Variants in SRPK1 observed in about 807,000 individuals in gnomAD.
The protein encoded by SRPK1 is SRSF protein kinase 1, also known as SFRS protein kinase 1.
SRPK1 carries 52 observed loss-of-function variants against 89.5 expected under a neutral mutation model. The ratio of observed to expected loss-of-function variants is 0.58; its 90% CI spans 0.46 to 0.73. The LOEUF (loss-of-function observed/expected upper bound fraction) is 0.73, where lower values mean the gene tolerates loss of function less well. SRPK1 is among the 30% of genes least tolerant of loss of function. The pLI, the probability that SRPK1 is intolerant of heterozygous loss-of-function variation, is 0.00. For synonymous variants in SRPK1, 255 were observed against 270.2 expected (o/e 0.94, Z 0.55); for missense variants, 603 against 780.6 (o/e 0.77, Z 2.71).
intron 13 of SRPK1, among the ~76,000 whole-genome samples, chr6:35,851,199 T>C (rs959268134): frequency 2.0e-5 from 3 of 152,042 alleles, no homozygotes; most frequent in African/African-American, 7.2e-5. Context: ...TCTTTTTTTT[T>C]TGAGACAGGG....
intron 7 of SRPK1, among the ~76,000 whole-genome samples, chr6:35,873,194 T>A (rs1425836511): frequency 6.6e-6 from 1 of 152,190 alleles, no homozygotes; most frequent in East Asian, 1.9e-4. Flanking sequence ...TTCCTGATGG[T>A]AAAATCTATA....
chr6:35,855,329 T>A (rs779934424), intron 13 of SRPK1, among the ~76,000 whole-genome samples: 1 of 151,456 alleles, frequency 6.6e-6, no homozygotes, highest in Non-Finnish European at 1.5e-5. Context: ...AAAAACCCAA[T>A]AATATGCCAC....
rs1255294326 is a variant in SRPK1, at chr6:35,838,345, G to A, written c.1775C>T (p.Thr592Ile). 1 of 1,562,188 alleles carries A rather than the reference G, an allele frequency of 6.4e-7. No homozygotes were observed. Among genetic ancestry groups the A allele is most frequent in the South Asian group, 1.2e-5 (1 of 81,042 alleles). The change falls in exon 15 of 16, where the codon ACC (threonine) becomes ATC (isoleucine). Residue 592 changes from threonine to isoleucine, a missense_variant. Coordinates refer to ENST00000373825, the MANE Select transcript of SRPK1 (RefSeq NM_003137.5). ...VAGKYSKEFFTKKGDLKHITK... is the reference protein window; with the variant it reads ...VAGKYSKEFFIKKGDLKHITK... ...GAACACATTTACTTTACCTTTTTTG[G>A]TGAAAAATTCCTTGGAATATTTTCC... is the stretch of plus-strand genomic sequence containing the variant.
chr6:35,859,777 T>C (rs1236834487), intron 12 of SRPK1, among the ~76,000 whole-genome samples: 2 of 152,174 alleles, frequency 1.3e-5, no homozygotes, highest in African/African-American at 4.8e-5. Context: ...ACACATGTAT[T>C]GTTCACCGCT....
At chr6:35,889,621 C>G (rs1329859693) in intron 3 of SRPK1, among the ~76,000 whole-genome samples, 1 of 151,742 alleles carries the variant, frequency 6.6e-6, no homozygotes, top group African/African-American at 2.4e-5. Context: ...CCAGTCTCTA[C>G]TAAAAATACA....
intron 12 of SRPK1, among the ~76,000 whole-genome samples, chr6:35,864,741 G>T (rs535252774): frequency 6.6e-6 from 1 of 152,172 alleles, no homozygotes; most frequent in East Asian, 1.9e-4. Flanking sequence ...TCTGCACTCC[G>T]ATGTTTGTTG....
intron 8 of SRPK1, 57 bp from the exon 9 acceptor site, chr6:35,871,016 A>T (rs553306188): frequency 6.8e-7 from 1 of 1,466,302 alleles, no homozygotes; most frequent in Non-Finnish European, 9.4e-7. Flanking sequence ...AATATAAACT[A>T]AGGCTCAGAT....
chr6:35,880,746 A>AAGAAAGAAAGAAAGAAAG lies in SRPK1; in HGVS notation c.478+5977_478+5978insCTTTCTTTCTTTCTTTCT, dbSNP rs1582014682. On this transcript the variant is annotated intron_variant, in intron 6 of 15. Transcript: ENST00000373825. The stretch of plus-strand genomic sequence containing the variant: ...AAAAAAAAAAAAAAGAAAAAAAAAA[A>AAGAAAGAAAGAAAGAAAG]AAAAGAAAAGAAAAGAAGAAGAAAT... 1.6e-4 allele frequency among the ~76,000 whole-genome samples: 14 copies of AAGAAAGAAAGAAAGAAAG among 89,226 alleles called. 1 individual carries two copies. The highest frequency in any genetic ancestry group is 5.9e-4 in the African/African-American group (13 of 22,096). The allele number at this position is 89,226 out of a possible 152,430, so 58.5% of individuals were successfully genotyped here.
chr6:35,842,644 AAAG>A (rs1769336022), intron 13 of SRPK1, 40 bp from the exon 14 acceptor site: 2 of 1,522,266 alleles, frequency 1.3e-6, no homozygotes, highest in African/African-American at 1.4e-5. Flanking sequence ...GCACAAAAGA[AAAG>A]AAGGCCTTTG....
intron 2 of SRPK1, among the ~76,000 whole-genome samples, chr6:35,911,268 G>A (rs1314621709): frequency 6.6e-6 from 1 of 152,202 alleles, no homozygotes; most frequent in Non-Finnish European, 1.5e-5. Context: ...ATGCATGACT[G>A]AAATGTTCAA....
intron 12 of SRPK1, among the ~76,000 whole-genome samples, chr6:35,858,085 C>T (rs938693362): frequency 6.6e-6 from 1 of 151,808 alleles, no homozygotes. Flanking sequence ...TCTTTTTGTC[C>T]TTCATTATTC....
At position 35,902,463 on chromosome 6, in the gene SRPK1, T is replaced by C. The variant is rs535845929; in HGVS notation, c.75-11450A>G. On this transcript the variant is annotated intron_variant, in intron 2 of 15. Coordinates refer to ENST00000373825, the MANE Select transcript of SRPK1 (RefSeq NM_003137.5). The stretch of plus-strand genomic sequence containing the variant: ...AATAAAAATCCAAAAAAAAGTCACA[T>C]AAAAGACAAAGATAAACCCATCTAA... Among the ~76,000 whole-genome samples the C allele has an allele frequency of 3.3e-5, 5 of 151,902 alleles. No homozygotes were observed. The East Asian group carries it at 5.8e-4, about 18-fold the overall frequency.
intron 2 of SRPK1, among the ~76,000 whole-genome samples, chr6:35,915,019 C>T (rs1225146488): frequency 6.6e-6 from 1 of 152,154 alleles, no homozygotes; most frequent in Admixed American, 6.5e-5. Context: ...TGGTCTTGAA[C>T]TCCTGACCTC....
intron 12 of SRPK1, among the ~76,000 whole-genome samples, chr6:35,861,177 G>T (rs1297631610): frequency 6.6e-6 from 1 of 152,200 alleles, no homozygotes; most frequent in African/African-American, 2.4e-5. Flanking sequence ...ATTCACCAGA[G>T]AAGTGATAGG....
At chr6:35,888,152 C>T (rs751464135) in intron 4 of SRPK1, 41 bp from the exon 5 acceptor site, 1 of 1,361,380 alleles carries the variant, frequency 7.3e-7, no homozygotes, top group Non-Finnish European at 1.0e-6. Context: ...CATAGCCTAC[C>T]CTTACTTTAG....
chr6:35,864,093 A>G (rs563636309), intron 12 of SRPK1, among the ~76,000 whole-genome samples: 1 of 152,332 alleles, frequency 6.6e-6, no homozygotes, highest in East Asian at 1.9e-4. Flanking sequence ...AACTACTACA[A>G]GAAAACATGT....
chr6:35,837,687 C>A (rs1769210341), intron 15 of SRPK1, among the ~76,000 whole-genome samples: 1 of 152,024 alleles, frequency 6.6e-6, no homozygotes, highest in African/African-American at 2.4e-5. Flanking sequence ...TTCGGAGTAG[C>A]TGCGACCACA....
At position 35,894,654 on chromosome 6, in the gene SRPK1, G is replaced by C. The variant is rs561615345; in HGVS notation, c.75-3641C>G. ...GCTTCTAGGTAAAAAAAGCTAGAAG[G>C]GCAGTAATTAGACTGTCATCATCTA... On this transcript the variant is annotated intron_variant, in intron 2 of 15. Coordinates refer to ENST00000373825, the MANE Select transcript of SRPK1 (RefSeq NM_003137.5). Among the ~76,000 whole-genome samples the C allele has an allele frequency of 1.1e-4, 16 of 152,150 alleles. No homozygotes were observed. The East Asian group carries it at 2.9e-3, about 28-fold the overall frequency.
chr6:35,915,982 A>C (rs189059744), intron 2 of SRPK1, among the ~76,000 whole-genome samples: 2,496 of 99,694 alleles, frequency 0.025, 260 homozygotes, highest in African/African-American at 0.089. Flanking sequence ...AAAAACAAAA[A>C]AAAAAAAAAA....
Sources: allele counts gnomAD v4.1 joint callset (sites outside exome capture counted in the v4.1 genomes callset), GRCh38; gene constraint gnomAD v4.1.1; transcripts MANE v1.5; gene names NCBI Gene and HGNC (gene_info 2026-07-23, HGNC 2026-07-21).